FUBP1: variants seen among roughly 807,000 people sequenced by gnomAD.
The protein encoded by FUBP1 is far upstream element-binding protein 1.
A neutral mutation model predicts 94.9 loss-of-function variants in FUBP1; 16 were observed. The ratio of observed to expected loss-of-function variants is 0.17; its 90% CI spans 0.11 to 0.26. The LOEUF (loss-of-function observed/expected upper bound fraction) is 0.26. Among genes scored for constraint, FUBP1 ranks in the 10% least tolerant of loss-of-function variants. The pLI, the probability that FUBP1 is intolerant of heterozygous loss-of-function variation, is 1.00. For synonymous variants in FUBP1, 279 were observed against 254.9 expected, an observed-to-expected ratio of 1.09 and a Z score of -0.90; for missense variants, 583 against 808.6, an observed-to-expected ratio of 0.72 and a Z score of 3.38.
intron 18 of FUBP1, among the ~76,000 whole-genome samples, chr1:77,951,398 G>C (rs1330173158): frequency 1.3e-5 from 2 of 152,184 alleles, no homozygotes; most frequent in African/African-American, 4.8e-5. Flanking sequence ...AATCTTAAAA[G>C]ATGTTCAAGA....
intron 16 of FUBP1, among the ~76,000 whole-genome samples, chr1:77,959,350 G>C (rs1655033491): frequency 6.6e-6 from 1 of 151,992 alleles, no homozygotes; most frequent in African/African-American, 2.4e-5. Flanking sequence ...AAATAAATCT[G>C]AATATAGAAA....
intron 1 of FUBP1, among the ~76,000 whole-genome samples, chr1:77,978,347 C>T (rs997941818): frequency 2.6e-5 from 4 of 152,176 alleles, no homozygotes; most frequent in Admixed American, 6.5e-5. Flanking sequence ...CAGACTGACA[C>T]GTAAATCCCG....
At chr1:77,969,441 G>T (rs1315405519) in intron 2 of FUBP1, among the ~76,000 whole-genome samples, 1 of 151,098 alleles carries the variant, frequency 6.6e-6, no homozygotes, top group African/African-American at 2.4e-5. Flanking sequence ...CAAAAGTACT[G>T]AAAGTAAAGA....
chr1:77,956,036 C>T (rs1654394922), intron 17 of FUBP1, among the ~76,000 whole-genome samples: 1 of 152,088 alleles, frequency 6.6e-6, no homozygotes, highest in African/African-American at 2.4e-5. Flanking sequence ...CTGGCCAAAT[C>T]CAGGATAATC....
In FUBP1 at chr1:77,948,185, T is replaced by C. The variant is rs1652584738; in HGVS notation, c.*581A>G. The C allele has an allele frequency of 1.9e-6, 2 of 1,044,958 alleles. No individual in the cohort carries two copies. Among genetic ancestry groups the C allele is most frequent in the Admixed American group, 5.5e-5 (1 of 18,200 alleles). The allele number at this position is 1,044,958 out of a possible 1,614,324, so 64.7% of individuals were successfully genotyped here. A position where few individuals can be genotyped will look rare whatever the true frequency, so the allele number is the denominator to read the frequency against. On this transcript the variant is annotated 3_prime_UTR_variant, in exon 20 of 20. Coordinates refer to ENST00000370768, the MANE Select transcript of FUBP1 (RefSeq NM_003902.5). ...TTTAATCAAACAGAAGGAAAAAAAATGAAGATATCAGGATTACTTGTGCTG... is the reference window on the plus strand; with the variant it reads ...TTTAATCAAACAGAAGGAAAAAAAACGAAGATATCAGGATTACTTGTGCTG...
chr1:77,975,004 A>C (rs1438295117), intron 1 of FUBP1, among the ~76,000 whole-genome samples: 2 of 152,258 alleles, frequency 1.3e-5, no homozygotes, highest in Admixed American at 1.3e-4. Context: ...CCTTCAGTAT[A>C]CTTAAAGCAT....
intron 13 of FUBP1, among the ~76,000 whole-genome samples, 167 bp from the exon 14 acceptor site, chr1:77,963,097 C>A (rs1201334952): frequency 1.3e-5 from 2 of 152,134 alleles, no homozygotes; most frequent in African/African-American, 4.8e-5. Context: ...CACTGAAAAT[C>A]AAATTTTAGG....
At chr1:77,965,312 C>A (rs2102405335) in intron 7 of FUBP1, 81 bp from the exon 8 acceptor site, 1 of 876,588 alleles carries the variant, frequency 1.1e-6, no homozygotes. Context: ...ACAATATAAC[C>A]AAGTACTCCT....
chr1:77,973,077 AG>A (rs1657893225), intron 1 of FUBP1, among the ~76,000 whole-genome samples: 1 of 151,984 alleles, frequency 6.6e-6, no homozygotes, highest in African/African-American at 2.4e-5. Context: ...TAAGATCTAT[AG>A]AAAATACACA....
At chr1:77,959,401 T>C (rs1655045065) in intron 16 of FUBP1, among the ~76,000 whole-genome samples, 1 of 152,104 alleles carries the variant, frequency 6.6e-6, no homozygotes, top group South Asian at 2.1e-4. Context: ...AGTTATTAAA[T>C]ACAGGCCTGA....
Position 77,962,883 on chromosome 1 carries a change from C to T in FUBP1, c.1231G>A (p.Glu411Lys). 6.2e-7 allele frequency: 1 copy of T among 1,612,892 alleles called. No homozygotes were observed. The highest frequency in any genetic ancestry group is 8.5e-7 in the Non-Finnish European group (1 of 1,178,930). The change falls in exon 14 of 20, where the codon GAA becomes AAA. Residue 411 changes from glutamate (E) to lysine (K), a missense_variant. Coordinates refer to ENST00000370768, the MANE Select transcript of FUBP1 (RefSeq NM_003902.5). The part of the protein sequence containing the change: ...SISQQSGARI[E>K]LQRNPPPNAD... ...TTTGGTGGAGGATTTCTCTGAAGTT[C>T]TATTCTTGCACCAGACTGCTGGCTT...
At chr1:77,956,774 C>G in intron 16 of FUBP1, 74 bp from the exon 17 acceptor site, 1 of 1,065,890 alleles carries the variant, frequency 9.4e-7, no homozygotes, top group Non-Finnish European at 1.3e-6. Context: ...CACCACCCCC[C>G]CGCCCAGCTC....
intron 1 of FUBP1, among the ~76,000 whole-genome samples, chr1:77,975,185 A>T (rs1658366653): frequency 6.6e-6 from 1 of 152,212 alleles, no homozygotes; most frequent in African/African-American, 2.4e-5. Flanking sequence ...TTGTACTGTA[A>T]TTCATTAAAA....
chr1:77,959,389 G>A (rs965203251), intron 16 of FUBP1, among the ~76,000 whole-genome samples: 2 of 152,112 alleles, frequency 1.3e-5, no homozygotes, highest in African/African-American at 4.8e-5. Context: ...GCTTTAGCAT[G>A]CAGTTATTAA....
At chr1:77,976,003 T>C (rs1189904285) in intron 1 of FUBP1, among the ~76,000 whole-genome samples, 1 of 152,196 alleles carries the variant, frequency 6.6e-6, no homozygotes, top group Non-Finnish European at 1.5e-5. Context: ...GAATAACAAC[T>C]ATCCAGCTAA....
At chr1:77,969,137 G>C (rs1484626007) in intron 2 of FUBP1, 1 of 665,714 alleles carries the variant, frequency 1.5e-6, no homozygotes, top group Admixed American at 3.0e-5. Context: ...AGCATCATTA[G>C]CTCATTTTTT....
chr1:77,956,852 C>A, intron 16 of FUBP1, 152 bp from the exon 17 acceptor site: 1 of 487,186 alleles, frequency 2.1e-6, no homozygotes. Context: ...CTTAAATTTT[C>A]TATTATTTTT....
At chr1:77,963,754 G>T in intron 12 of FUBP1, 39 bp from the exon 13 acceptor site, 1 of 1,533,802 alleles carries the variant, frequency 6.5e-7, no homozygotes, top group Non-Finnish European at 8.8e-7. Context: ...AGTCAGCACA[G>T]AAATACTTTT....
In FUBP1 at chr1:77,950,540, G is replaced by A. The variant is rs929709792; in HGVS notation, c.1781-1240C>T. 5.3e-5 allele frequency among the ~76,000 whole-genome samples: 8 copies of A among 152,090 alleles called. No homozygotes were observed. The South Asian group carries it at 6.2e-4, about 12-fold the overall frequency. The stretch of plus-strand genomic sequence containing the variant: ...TACACAAAAAACATACATATAAAGC[G>A]CATACAGCAAACTTTTAAAAAATGA... On this transcript the variant is annotated intron_variant, in intron 18 of 19. Coordinates refer to ENST00000370768, the MANE Select transcript of FUBP1 (RefSeq NM_003902.5).
Sources: allele counts gnomAD v4.1 joint callset (sites outside exome capture counted in the v4.1 genomes callset), GRCh38; gene constraint gnomAD v4.1.1; transcripts MANE v1.5; gene names NCBI Gene and HGNC (gene_info 2026-07-23, HGNC 2026-07-21).